MDGA2: variants seen among roughly 807,000 people sequenced by gnomAD.
MDGA2 encodes MAM domain containing glycosylphosphatidylinositol anchor 2, also known as MAM domain-containing glycosylphosphatidylinositol anchor protein 2.
A neutral mutation model predicts 117.8 loss-of-function variants in MDGA2; 40 were observed. The ratio of observed to expected loss-of-function variants is 0.34; its 90% CI spans 0.26 to 0.44. The LOEUF (loss-of-function observed/expected upper bound fraction) is 0.44. Among genes scored for constraint, MDGA2 ranks in the 20% least tolerant of loss-of-function variants. The pLI, the probability that MDGA2 is intolerant of heterozygous loss-of-function variation, is 1.00. For synonymous variants in MDGA2, 452 were observed against 439.0 expected (o/e 1.03, Z -0.37); for missense variants, 1,123 against 1,250.6 (o/e 0.90, Z 1.54).
Position 47,374,977 on chromosome 14 carries a change from G to A in MDGA2, c.281-73427C>T, listed in dbSNP as rs76520474. ...CAAAGATTTTTTTCAGTGTGTTATAGTGGTAAGAGCTTTAATTTTGAAGTC... is the reference window on the plus strand; with the variant it reads ...CAAAGATTTTTTTCAGTGTGTTATAATGGTAAGAGCTTTAATTTTGAAGTC... On this transcript the variant is annotated intron_variant, in intron 1 of 16. Transcript: ENST00000399232. Among the ~76,000 whole-genome samples, 4 of 151,920 alleles carry A rather than the reference G, an allele frequency of 2.6e-5. No individual in the cohort carries two copies. The East Asian group carries it at 7.7e-4, about 29-fold the overall frequency.
At chr14:47,095,275 G>T (rs1263890386) in intron 6 of MDGA2, among the ~76,000 whole-genome samples, 1 of 151,838 alleles carries the variant, frequency 6.6e-6, no homozygotes, top group African/African-American at 2.4e-5. Flanking sequence ...TAGTAATCAT[G>T]ACCTGACTTA....
intron 15 of MDGA2, among the ~76,000 whole-genome samples, chr14:46,850,073 T>G (rs1441417190): frequency 6.6e-6 from 1 of 151,906 alleles, no homozygotes; most frequent in Admixed American, 6.6e-5. Context: ...AGTGTGTTCA[T>G]GCAACTTCGC....
intron 2 of MDGA2, among the ~76,000 whole-genome samples, chr14:47,291,652 C>T (rs72682138): frequency 0.091 from 13,874 of 152,222 alleles, 787 homozygotes; most frequent in Non-Finnish European, 0.11. Context: ...ATCAGCATTA[C>T]GTGGCTGTCT....
At chr14:47,587,769 C>T (rs1896352774) in intron 1 of MDGA2, among the ~76,000 whole-genome samples, 1 of 151,876 alleles carries the variant, frequency 6.6e-6, no homozygotes, top group South Asian at 2.1e-4. Context: ...ATTCAGGAGT[C>T]TTTGTTTAGT....
intron 8 of MDGA2, chr14:46,960,425 A>C (rs1291241293): frequency 6.7e-6 from 1 of 149,098 alleles, no homozygotes; most frequent in Non-Finnish European, 1.5e-5. Flanking sequence ...TTTTCTAAAA[A>C]ATATATTTTA....
chr14:47,144,943 T>G (rs1279672981), intron 3 of MDGA2, among the ~76,000 whole-genome samples: 1 of 151,466 alleles, frequency 6.6e-6, no homozygotes, highest in Non-Finnish European at 1.5e-5. Flanking sequence ...ACTACTATAC[T>G]AGACCTCTTT....
chr14:47,418,754 A>G (rs1302983410), intron 1 of MDGA2, among the ~76,000 whole-genome samples: 2 of 152,066 alleles, frequency 1.3e-5, no homozygotes, highest in Admixed American at 1.3e-4. Context: ...TCCTTACTTC[A>G]TTTTCCAAGC....
chr14:46,873,365 T>A, intron 14 of MDGA2, 68 bp downstream of exon 14: 1 of 1,388,670 alleles, frequency 7.2e-7, no homozygotes, highest in Non-Finnish European at 9.6e-7. Context: ...TAATGCTGTG[T>A]GTTTATGAAC....
At chr14:47,408,060 T>TTTC (rs1310533560) in intron 1 of MDGA2, among the ~76,000 whole-genome samples, 3 of 146,238 alleles carry the variant, frequency 2.1e-5, no homozygotes, top group Non-Finnish European at 3.0e-5. Context: ...ATTATTCTTT[T>TTTC]TTTTTTTTTT....
chr14:47,072,576 G>A (rs139819155), intron 6 of MDGA2, among the ~76,000 whole-genome samples: 1 of 152,146 alleles, frequency 6.6e-6, no homozygotes, highest in Admixed American at 6.5e-5. Context: ...GGTTCTCCAA[G>A]TATGAACCCT....
chr14:47,481,059 G>A (rs917900621), intron 1 of MDGA2, among the ~76,000 whole-genome samples: 1 of 151,820 alleles, frequency 6.6e-6, no homozygotes, highest in African/African-American at 2.4e-5. Context: ...AAGTAATATC[G>A]CTAAACAGTA....
chr14:47,131,844 A>T lies in MDGA2; in HGVS notation c.795T>A (p.Gly265=), dbSNP rs1325632201. ...TCTTTAGTTTTAAGATCTTTGTTTC[A>T]CCCTGAAAATGTACACAAAAAATAA... ...VEIYEPFFTQ[G]ETKILKLKNL... The change falls in exon 5 of 17, where the codon GGT becomes GGA. Residue 265 remains glycine, a splice_region_variant and synonymous_variant. Coordinates refer to ENST00000399232, the MANE Select transcript of MDGA2 (RefSeq NM_001113498.3). 1 of 1,566,870 alleles carries T rather than the reference A, an allele frequency of 6.4e-7. No individual in the cohort carries two copies. Among genetic ancestry groups the T allele is most frequent in the Non-Finnish European group, 8.7e-7 (1 of 1,147,960 alleles).
At chr14:47,409,076 G>T (rs1318158138) in intron 1 of MDGA2, among the ~76,000 whole-genome samples, 1 of 152,146 alleles carries the variant, frequency 6.6e-6, no homozygotes, top group African/African-American at 2.4e-5. Context: ...CAGAAAGGCG[G>T]GGGGGACTGG....
rs1008600558 is a variant in MDGA2 at position 47,086,632 on chromosome 14, A to C, written c.1195+10222T>G. Among the ~76,000 whole-genome samples, 15 of 152,264 alleles carry C rather than the reference A, an allele frequency of 9.9e-5. 1 individual carries two copies. In the South Asian group the frequency reaches 2.7e-3, roughly 27 times the overall value. On this transcript the variant is annotated intron_variant, in intron 6 of 16. Coordinates refer to ENST00000399232, the MANE Select transcript of MDGA2 (RefSeq NM_001113498.3). ...CATAGATTTTTTTTTACTTTAAATA[A>C]TTATCAATAGTTTCTAATACTTCAT...
intron 1 of MDGA2, among the ~76,000 whole-genome samples, chr14:47,620,734 GA>G (rs1897034322): frequency 6.6e-6 from 1 of 152,154 alleles, no homozygotes; most frequent in African/African-American, 2.4e-5. Context: ...GAGGGAAGAA[GA>G]GAGAAATTGA....
At chr14:46,973,863 T>A (rs1044815030) in intron 8 of MDGA2, among the ~76,000 whole-genome samples, 1 of 151,544 alleles carries the variant, frequency 6.6e-6, no homozygotes, top group African/African-American at 2.4e-5. Flanking sequence ...AAAATCAACA[T>A]ACTAAATCAG....
intron 1 of MDGA2, among the ~76,000 whole-genome samples, chr14:47,348,167 ATGTGTG>A (rs56850503): frequency 3.2e-4 from 46 of 143,442 alleles, no homozygotes; most frequent in South Asian, 1.3e-3. Context: ...CTCTCTGTAT[ATGTGTG>A]TGTGTGTGTG....
intron 1 of MDGA2, among the ~76,000 whole-genome samples, chr14:47,485,012 T>C (rs1021573582): frequency 6.6e-6 from 1 of 152,076 alleles, no homozygotes; most frequent in Admixed American, 6.6e-5. Flanking sequence ...TTGGTGCCAG[T>C]AGAGTGGGGC....
chr14:47,369,891 T>A (rs1171510363), intron 1 of MDGA2, among the ~76,000 whole-genome samples: 1 of 152,038 alleles, frequency 6.6e-6, no homozygotes, highest in African/African-American at 2.4e-5. Flanking sequence ...TTTATAATAT[T>A]TTTGTATATA....
Sources: gnomAD v4.1 joint callset for allele counts (sites outside exome capture counted in the v4.1 genomes callset) on GRCh38, gnomAD v4.1.1 for gene constraint, MANE v1.5 for transcripts, NCBI Gene and HGNC (gene_info 2026-07-23, HGNC 2026-07-21) for gene names.